CMIP: variants seen among roughly 807,000 people sequenced by gnomAD.
CMIP encodes C-Maf-inducing protein.
In CMIP, 13 loss-of-function variants were observed where a neutral mutation model predicts 97.3. That is an observed-to-expected ratio of 0.13 (90% CI 0.09 to 0.21). The LOEUF (loss-of-function observed/expected upper bound fraction) is 0.21. Among genes scored for constraint, CMIP ranks in the 10% least tolerant of loss-of-function variants. The pLI, the probability that CMIP is intolerant of heterozygous loss-of-function variation, is 1.00. For synonymous variants in CMIP, 538 were observed against 436.3 expected, an observed-to-expected ratio of 1.23 and a Z score of -2.91; for missense variants, 847 against 1,024.9, an observed-to-expected ratio of 0.83 and a Z score of 2.37.
At chr16:81,619,425 C>T (rs933863682) in intron 2 of CMIP, 6 of 152,358 alleles carry the variant, frequency 3.9e-5, no homozygotes, top group East Asian at 1.9e-4. Flanking sequence ...GTAGCGTGAT[C>T]CGGATCTCCT....
In CMIP at chr16:81,453,359, G is replaced by C. The variant is rs1906352960; in HGVS notation, c.300+7818G>C. On this transcript the variant is annotated intron_variant, in intron 1 of 20. Transcript: ENST00000537098. This position sits in a 1 kb window ranked among gnomAD's most constrained non-coding sequence, Gnocchi z 4.0. Reference sequence around the variant, plus strand: ...TGTATGGAATCAAACAGCCATCTGGGTGCTTCCCTTGGGCTGGGCTGGCTG... The same window carrying C: ...TGTATGGAATCAAACAGCCATCTGGCTGCTTCCCTTGGGCTGGGCTGGCTG... 6.6e-6 allele frequency among the ~76,000 whole-genome samples: 1 copy of C among 152,224 alleles called. No homozygotes were observed. The highest frequency in any genetic ancestry group is 1.5e-5 in the Non-Finnish European group (1 of 68,026).
chr16:81,538,822 GT>G (rs146269222), intron 1 of CMIP, among the ~76,000 whole-genome samples: 1 of 151,090 alleles, frequency 6.6e-6, no homozygotes, highest in African/African-American at 2.4e-5. Context: ...TGATTATCAG[GT>G]TTTTTTTTCA....
chr16:81,503,101 C>T (rs1391512969), intron 1 of CMIP, among the ~76,000 whole-genome samples: 1 of 152,214 alleles, frequency 6.6e-6, no homozygotes, highest in Non-Finnish European at 1.5e-5. Context: ...AATATTACAG[C>T]TAAAGAACAC....
chr16:81,620,965 G>A (rs780581993), intron 3 of CMIP, 39 bp downstream of exon 3: 3 of 1,611,636 alleles, frequency 1.9e-6, no homozygotes, highest in Admixed American at 3.3e-5. Context: ...AGCGACTCAG[G>A]CAGTGGTGCG....
chr16:81,598,968 C>CAAAAAAAAAAAAAAAAAAAAAAA (rs141717317), intron 1 of CMIP, among the ~76,000 whole-genome samples: 3 of 49,850 alleles, frequency 6.0e-5, no homozygotes, highest in East Asian at 1.2e-3. Flanking sequence ...GACTCTGTCT[C>CAAAAAAAAAAAAAAAAAAAAAAA]AAAAAAAAAA....
intron 1 of CMIP, among the ~76,000 whole-genome samples, chr16:81,455,004 C>T (rs953733895): frequency 7.2e-5 from 11 of 152,146 alleles, no homozygotes; most frequent in African/African-American, 2.2e-4. Context: ...GGGTGGACAC[C>T]GTAAGACGGC....
chr16:81,536,073 G>A (rs1021945331), intron 1 of CMIP, among the ~76,000 whole-genome samples: 3 of 152,178 alleles, frequency 2.0e-5, no homozygotes, highest in African/African-American at 7.2e-5. Flanking sequence ...GCAGGGACCC[G>A]AAGCATCCCC....
At chr16:81,482,127 CCTT>C (rs888591271) in intron 1 of CMIP, among the ~76,000 whole-genome samples, 1 of 152,300 alleles carries the variant, frequency 6.6e-6, no homozygotes, top group African/African-American at 2.4e-5. Context: ...GATCCACCCT[CCTT>C]GGCCTCCCAA....
intron 10 of CMIP, among the ~76,000 whole-genome samples, chr16:81,685,755 G>A (rs1431724215): frequency 6.7e-6 from 1 of 150,060 alleles, no homozygotes; most frequent in African/African-American, 2.5e-5. Flanking sequence ...TTAGAGATGG[G>A]ATCTCTTTAT....
intron 3 of CMIP, among the ~76,000 whole-genome samples, chr16:81,649,544 C>T (rs568487013): frequency 1.9e-4 from 29 of 152,242 alleles, no homozygotes; most frequent in Admixed American, 5.9e-4. Context: ...GAATGATGTT[C>T]ACCAAATATT....
At chr16:81,701,830 C>T (rs754123898) in intron 16 of CMIP, 30 bp downstream of exon 16, 5 of 1,612,196 alleles carry the variant, frequency 3.1e-6, no homozygotes, top group South Asian at 2.2e-5. Flanking sequence ...GGACCACTCC[C>T]CTGCCCAGCA....
chr16:81,458,006 G>A (rs771086554), intron 1 of CMIP, among the ~76,000 whole-genome samples: 2 of 152,240 alleles, frequency 1.3e-5, no homozygotes, highest in Non-Finnish European at 2.9e-5. Flanking sequence ...GATCTGGGTT[G>A]TTGAAAAGGG....
intron 1 of CMIP, among the ~76,000 whole-genome samples, chr16:81,537,812 C>T (rs1352515727): frequency 6.6e-6 from 1 of 152,218 alleles, no homozygotes; most frequent in Admixed American, 6.5e-5. Context: ...CAGGGAAACA[C>T]CCTGTGGTAT....
intron 1 of CMIP, among the ~76,000 whole-genome samples, chr16:81,572,278 G>A (rs992691126): frequency 1.2e-4 from 18 of 152,216 alleles, no homozygotes; most frequent in African/African-American, 4.1e-4. Context: ...TTGGGCTGTC[G>A]GGTTGGCCTG....
chr16:81,566,426 A>G (rs1217520465), intron 1 of CMIP, among the ~76,000 whole-genome samples: 1 of 152,056 alleles, frequency 6.6e-6, no homozygotes, highest in Non-Finnish European at 1.5e-5. Context: ...GGTCCTGCTC[A>G]TGGTGCCCAC....
rs77306367 is a variant in CMIP at position 81,457,696 on chromosome 16, C to T, written c.300+12155C>T. 3.7e-4 allele frequency among the ~76,000 whole-genome samples: 57 copies of T among 152,366 alleles called. 1 individual carries two copies. In the East Asian group the frequency reaches 0.011, roughly 28 times the overall value. ...GTGAGGTCCCATTTTCTGGAGCAGG[C>T]AGGGGCTGCCCGGGCTGGCATGTGA... On this transcript the variant is annotated intron_variant, in intron 1 of 20. Coordinates refer to ENST00000537098, the MANE Select transcript of CMIP (RefSeq NM_198390.3).
At chr16:81,463,364 C>T (rs1460115066) in intron 1 of CMIP, among the ~76,000 whole-genome samples, 1 of 152,208 alleles carries the variant, frequency 6.6e-6, no homozygotes. Flanking sequence ...TGGAATTTTT[C>T]TGGGATAATT....
Position 81,485,714 on chromosome 16 carries a change from G to T in CMIP, c.300+40173G>T, listed in dbSNP as rs573445739. 2.0e-5 allele frequency among the ~76,000 whole-genome samples: 3 copies of T among 152,352 alleles called. No individual in the cohort carries two copies. The South Asian group carries it at 6.2e-4, about 32-fold the overall frequency. Reference sequence around the variant, plus strand: ...AGATCCTTTTTTGAGAATTTTAGGTGTTATTTAGTTATGTGAGTACAATTT... The same window carrying T: ...AGATCCTTTTTTGAGAATTTTAGGTTTTATTTAGTTATGTGAGTACAATTT... On this transcript the variant is annotated intron_variant, in intron 1 of 20. Coordinates refer to ENST00000537098, the MANE Select transcript of CMIP (RefSeq NM_198390.3).
chr16:81,585,533 A>G (rs1010619704), intron 1 of CMIP, among the ~76,000 whole-genome samples: 10 of 152,140 alleles, frequency 6.6e-5, no homozygotes, highest in African/African-American at 2.4e-4. Flanking sequence ...GGATTTGCCT[A>G]TTCTGGACAT....
Sources: allele counts gnomAD v4.1 joint callset (sites outside exome capture counted in the v4.1 genomes callset), GRCh38; gene constraint gnomAD v4.1.1; non-coding constraint Gnocchi (gnomAD v3.1); transcripts MANE v1.5; gene names NCBI Gene and HGNC (gene_info 2026-07-23, HGNC 2026-07-21).